Variants in CHCHD6 observed in about 807,000 individuals in gnomAD.
CHCHD6 encodes MICOS complex subunit MIC25.
CHCHD6 carries 28 observed loss-of-function variants against 32.3 expected under a neutral mutation model. The observed-to-expected ratio is 0.87, with a 90% CI of 0.64 to 1.19. CHCHD6 has a LOEUF of 1.19. Ranked by LOEUF, CHCHD6 falls within the 50% of genes most tolerant of loss-of-function variation. The pLI is 0.00. For missense variants in CHCHD6, 333 were observed against 307.0 expected (o/e 1.08, Z -0.63); for synonymous variants, 122 against 117.5 (o/e 1.04, Z -0.25).
rs533544224 is a variant in CHCHD6 at position 126,877,337 on chromosome 3, C to T, written c.495+24607C>T. ...TTGGGAGGCCGAGGTGGGTGGATCA[C>T]GAGGTCAGGAGATCGAGACTGTCCT... On this transcript the variant is annotated intron_variant, in intron 5 of 7. Transcript: ENST00000290913. 6.6e-5 allele frequency among the ~76,000 whole-genome samples: 10 copies of T among 152,238 alleles called. 1 individual carries two copies. The highest frequency in any genetic ancestry group is 8.8e-5 in the Non-Finnish European group (6 of 68,006).
chr3:126,867,646 C>T (rs978163212), intron 5 of CHCHD6, among the ~76,000 whole-genome samples: 4 of 152,182 alleles, frequency 2.6e-5, no homozygotes, highest in Non-Finnish European at 5.9e-5. Context: ...GCCCTTTGGC[C>T]CTTGGGGAGG....
At chr3:126,901,013 C>CA (rs2077919015) in intron 5 of CHCHD6, among the ~76,000 whole-genome samples, 1 of 152,124 alleles carries the variant, frequency 6.6e-6, no homozygotes, top group Non-Finnish European at 1.5e-5. Context: ...AAACACCCCC[C>CA]CCAGGCCCTA....
At chr3:126,892,102 C>T (rs557393600) in intron 5 of CHCHD6, among the ~76,000 whole-genome samples, 3 of 152,278 alleles carry the variant, frequency 2.0e-5, no homozygotes, top group East Asian at 3.9e-4. Flanking sequence ...CCCAAAACCT[C>T]GGCTCTGAGC....
intron 5 of CHCHD6, among the ~76,000 whole-genome samples, chr3:126,893,689 G>A (rs540232522): frequency 4.8e-4 from 73 of 152,226 alleles, no homozygotes; most frequent in Non-Finnish European, 8.7e-4. Flanking sequence ...GAGAAACACT[G>A]AACCCCCGCT....
intron 4 of CHCHD6, among the ~76,000 whole-genome samples, chr3:126,783,964 C>G (rs1938076452): frequency 6.6e-6 from 1 of 152,134 alleles, no homozygotes; most frequent in South Asian, 2.1e-4. Flanking sequence ...AGAGGGCACT[C>G]TTAATATGAA....
In CHCHD6 at chr3:126,791,774, T is replaced by C. The variant is rs1368642881; in HGVS notation, c.411+58552T>C. Reference sequence around the variant, plus strand: ...ACAGGTGTATGCCACCATGCCCAGCTAAGTTTTTGTATTTTTAGTAGAGAC... The same window carrying C: ...ACAGGTGTATGCCACCATGCCCAGCCAAGTTTTTGTATTTTTAGTAGAGAC... On this transcript the variant is annotated intron_variant, in intron 4 of 7. Transcript: ENST00000290913. Among the ~76,000 whole-genome samples, 3 of 152,154 alleles carry C rather than the reference T, an allele frequency of 2.0e-5. No individual in the cohort carries two copies. The East Asian group carries it at 5.8e-4, about 29-fold the overall frequency.
intron 5 of CHCHD6, among the ~76,000 whole-genome samples, chr3:126,909,514 C>T (rs535202611): frequency 2.6e-5 from 4 of 152,260 alleles, no homozygotes; most frequent in East Asian, 3.9e-4. Flanking sequence ...GAAAACTGCT[C>T]GGGAAGTAAT....
At chr3:126,706,096 G>A (rs767627403) in intron 1 of CHCHD6, among the ~76,000 whole-genome samples, 2 of 152,214 alleles carry the variant, frequency 1.3e-5, no homozygotes, top group Non-Finnish European at 2.9e-5. Context: ...GCTTGGCTCT[G>A]TTTGGGTGCT....
chr3:126,887,083 GT>G (rs2077689173), intron 5 of CHCHD6, among the ~76,000 whole-genome samples: 1 of 152,108 alleles, frequency 6.6e-6, no homozygotes, highest in South Asian at 2.1e-4. Context: ...TTTTGTATCT[GT>G]GCTGTGTGTT....
chr3:126,737,035 T>C (rs952381090), intron 4 of CHCHD6, among the ~76,000 whole-genome samples: 1 of 152,168 alleles, frequency 6.6e-6, no homozygotes, highest in African/African-American at 2.4e-5. Context: ...GCAAAAACTT[T>C]CTTGGCTGGG....
At chr3:126,937,177 A>G (rs574791894) in intron 6 of CHCHD6, among the ~76,000 whole-genome samples, 3 of 152,362 alleles carry the variant, frequency 2.0e-5, no homozygotes, top group Admixed American at 6.5e-5. Context: ...GTTAGTAGTC[A>G]AGTAGGGACC....
At chr3:126,831,188 TA>T (rs1477274304) in intron 4 of CHCHD6, among the ~76,000 whole-genome samples, 1 of 152,152 alleles carries the variant, frequency 6.6e-6, no homozygotes, top group Non-Finnish European at 1.5e-5. Flanking sequence ...CATGCCTGGC[TA>T]ATTTTTTTTG....
intron 4 of CHCHD6, among the ~76,000 whole-genome samples, chr3:126,788,895 T>C (rs1373733353): frequency 6.6e-5 from 10 of 152,312 alleles, no homozygotes; most frequent in African/African-American, 2.4e-4. Context: ...GCTTCTCTAG[T>C]TCTTTTAATT....
At chr3:126,922,470 G>T (rs1383878709) in intron 6 of CHCHD6, among the ~76,000 whole-genome samples, 1 of 152,308 alleles carries the variant, frequency 6.6e-6, no homozygotes, top group Admixed American at 6.5e-5. Context: ...TTGAACCCAG[G>T]TGTGGATGAG....
At chr3:126,931,951 C>T (rs1177528482) in intron 6 of CHCHD6, among the ~76,000 whole-genome samples, 2 of 152,190 alleles carry the variant, frequency 1.3e-5, no homozygotes, top group East Asian at 1.9e-4. Context: ...GCTAGGCTGA[C>T]GCATCCTAAG....
chr3:126,813,531 G>A (rs1326910210), intron 4 of CHCHD6, among the ~76,000 whole-genome samples: 1 of 152,190 alleles, frequency 6.6e-6, no homozygotes, highest in Non-Finnish European at 1.5e-5. Flanking sequence ...GGCCACTACT[G>A]AGGAGCTTTC....
chr3:126,805,603 TA>T (rs1939329224), intron 4 of CHCHD6, among the ~76,000 whole-genome samples: 1 of 152,086 alleles, frequency 6.6e-6, no homozygotes, highest in Non-Finnish European at 1.5e-5. Flanking sequence ...GAAGAATCAA[TA>T]TCGTGAAAAT....
At chr3:126,721,610 A>T (rs56153259) in intron 1 of CHCHD6, among the ~76,000 whole-genome samples, 31,258 of 152,124 alleles carry the variant, frequency 0.21, 3,496 homozygotes, top group South Asian at 0.35. Flanking sequence ...GCTGTACAAT[A>T]CATCCATTTA....
chr3:126,717,547 T>A (rs1559801412), intron 1 of CHCHD6, among the ~76,000 whole-genome samples: 1 of 152,034 alleles, frequency 6.6e-6, no homozygotes, highest in Non-Finnish European at 1.5e-5. Flanking sequence ...GGCAGGAGGA[T>A]CCCTTGGGCC....
Sources: gnomAD v4.1 joint callset for allele counts (sites outside exome capture counted in the v4.1 genomes callset) on GRCh38, gnomAD v4.1.1 for gene constraint, MANE v1.5 for transcripts, NCBI Gene and HGNC (gene_info 2026-07-23, HGNC 2026-07-21) for gene names.